CLSTN1: variants seen among roughly 807,000 people sequenced by gnomAD.
CLSTN1 encodes calsyntenin-1.
CLSTN1 carries 28 observed loss-of-function variants against 108.3 expected under a neutral mutation model. The observed-to-expected ratio is 0.26, with a 90% confidence interval of 0.19 to 0.35. The LOEUF is 0.35. CLSTN1 is among the 10% of genes least tolerant of loss of function. The pLI is 1.00. For synonymous variants in CLSTN1, 524 were observed against 534.9 expected, an observed-to-expected ratio of 0.98 and a Z score of 0.28; for missense variants, 1,157 against 1,302.6, an observed-to-expected ratio of 0.89 and a Z score of 1.72.
intron 1 of CLSTN1, among the ~76,000 whole-genome samples, chr1:9,818,003 CTTTT>C (rs35244076): frequency 9.0e-5 from 8 of 89,116 alleles, no homozygotes; most frequent in Admixed American, 1.1e-4. Flanking sequence ...GTTAGTTTGG[CTTTT>C]TTTTTTTTTT....
chr1:9,766,223 C>T (rs187680931), intron 2 of CLSTN1, among the ~76,000 whole-genome samples: 29 of 152,240 alleles, frequency 1.9e-4, no homozygotes, highest in Non-Finnish European at 4.1e-4. Context: ...ACCACCACCT[C>T]CTAGAAGGAG....
chr1:9,789,614 A>G (rs1305850763), intron 1 of CLSTN1, among the ~76,000 whole-genome samples: 1 of 151,518 alleles, frequency 6.6e-6, no homozygotes, highest in African/African-American at 2.4e-5. Flanking sequence ...TCAATACCGC[A>G]TCATACATCT....
intron 1 of CLSTN1, among the ~76,000 whole-genome samples, chr1:9,799,359 G>T (rs1654150767): frequency 6.6e-6 from 1 of 152,060 alleles, no homozygotes; most frequent in Non-Finnish European, 1.5e-5. Context: ...AAATTCCAGG[G>T]AGCCGGGCGC....
chr1:9,793,475 ACAAT>A (rs1192081206), intron 1 of CLSTN1, among the ~76,000 whole-genome samples: 3 of 151,516 alleles, frequency 2.0e-5, no homozygotes, highest in Non-Finnish European at 4.4e-5. Context: ...CGAATCTGAG[ACAAT>A]CAATCTGACC....
chr1:9,730,160 G>A lies in CLSTN1; in HGVS notation c.*348C>T, dbSNP rs112497092. On this transcript the variant is annotated 3_prime_UTR_variant, in exon 19 of 19. Coordinates refer to ENST00000377298, the MANE Select transcript of CLSTN1 (RefSeq NM_001009566.3). This position sits in a 1 kb window ranked among gnomAD's most constrained non-coding sequence, Gnocchi z 5.6. The stretch of plus-strand genomic sequence containing the variant: ...TGAGCATGTTTTACCCTTTGTCAAC[G>A]AGCCCAGCTGGCATGGCTTTTCTGG... 7 of 355,700 alleles carry A rather than the reference G, an allele frequency of 2.0e-5. No homozygotes were observed. The highest frequency in any genetic ancestry group is 1.2e-4 in the African/African-American group (6 of 49,812). The allele number at this position is 355,700 out of a possible 1,614,324, so 22.0% of individuals were successfully genotyped here.
chr1:9,773,889 T>C (rs1652808653), intron 1 of CLSTN1, among the ~76,000 whole-genome samples: 1 of 151,512 alleles, frequency 6.6e-6, no homozygotes, highest in Non-Finnish European at 1.5e-5. Flanking sequence ...TGCACCACCA[T>C]ACTTGACTTA....
In CLSTN1 at chr1:9,823,624, G is replaced by A. The variant is rs1390336048; in HGVS notation, c.91+19C>T. 2 of 1,178,686 alleles carry A rather than the reference G, an allele frequency of 1.7e-6. No homozygotes were observed. Among genetic ancestry groups the A allele is most frequent in the Admixed American group, 9.2e-5 (2 of 21,806 alleles). 73.0% of individuals were successfully genotyped at this position (1,178,686 alleles called of 1,614,324 possible). On this transcript the variant is annotated intron_variant, in intron 1 of 18. Transcript: ENST00000377298. This position sits in a 1 kb window ranked among gnomAD's most constrained non-coding sequence, Gnocchi z 6.3. ...AATCCCGCACCGACCCAGCGGCCCG[G>A]CCCAGCCCCGGGGCTTACCTCGCGC...
intron 2 of CLSTN1, among the ~76,000 whole-genome samples, chr1:9,766,319 C>G (rs763239435): frequency 2.6e-5 from 4 of 152,130 alleles, no homozygotes; most frequent in Non-Finnish European, 5.9e-5. Context: ...CCCTGTGGCC[C>G]ACACATGAGG....
chr1:9,821,028 T>G (rs1441356267), intron 1 of CLSTN1, among the ~76,000 whole-genome samples: 1 of 152,212 alleles, frequency 6.6e-6, no homozygotes, highest in African/African-American at 2.4e-5. Flanking sequence ...AGCTTTCTAT[T>G]TTCTCTGCTT....
At chr1:9,818,931 C>T (rs933048599) in intron 1 of CLSTN1, among the ~76,000 whole-genome samples, 3 of 149,316 alleles carry the variant, frequency 2.0e-5, no homozygotes, top group African/African-American at 4.9e-5. Flanking sequence ...GGACTACAGG[C>T]ACCTGCCACC....
intron 2 of CLSTN1, among the ~76,000 whole-genome samples, chr1:9,757,049 A>T (rs184896214): frequency 1.5e-4 from 23 of 151,814 alleles, no homozygotes; most frequent in Admixed American, 6.6e-4. Flanking sequence ...AAGTGCTGGG[A>T]TTACAGGAGT....
chr1:9,783,610 C>T (rs977140497), intron 1 of CLSTN1, among the ~76,000 whole-genome samples: 5 of 152,010 alleles, frequency 3.3e-5, no homozygotes, highest in Admixed American at 6.6e-5. Context: ...AATTCCAGCA[C>T]TTTGGGAGGC....
rs139059412 is a variant in CLSTN1 at position 9,799,820 on chromosome 1, A to C, written c.91+23823T>G. ...GCTGGGCGTGCTGGTGGGTGCCTGT[A>C]GTCCTAGCTGCTTGGGAGGCTGAGA... On this transcript the variant is annotated intron_variant, in intron 1 of 18. Coordinates refer to ENST00000377298, the MANE Select transcript of CLSTN1 (RefSeq NM_001009566.3). 7.5e-3 allele frequency among the ~76,000 whole-genome samples: 1,140 copies of C among 151,900 alleles called. 11 individuals carry two copies. The highest frequency in any genetic ancestry group is 0.026 in the African/African-American group (1,057 of 41,398).
At chr1:9,806,704 C>T (rs748705787) in intron 1 of CLSTN1, among the ~76,000 whole-genome samples, 130 of 152,074 alleles carry the variant, frequency 8.5e-4, no homozygotes, top group Admixed American at 2.9e-3. Flanking sequence ...ATGGTGAAAC[C>T]CTGTCTCTAC....
intron 1 of CLSTN1, among the ~76,000 whole-genome samples, chr1:9,775,420 T>G (rs1652887814): frequency 6.6e-6 from 1 of 152,028 alleles, no homozygotes; most frequent in African/African-American, 2.4e-5. Flanking sequence ...CTGCTACTTT[T>G]GCTTTTCTGG....
intron 1 of CLSTN1, among the ~76,000 whole-genome samples, chr1:9,798,133 A>AGAGGGGAAGAGGGGAAGAGGGAGGGG (rs1304044973): frequency 9.0e-6 from 1 of 110,880 alleles, no homozygotes; most frequent in East Asian, 3.1e-4. Flanking sequence ...AGAGAGGGGA[A>AGAGGGGAAGAGGGGAAGAGGGAGGGG]GAGGGGAAGA....
intron 1 of CLSTN1, among the ~76,000 whole-genome samples, chr1:9,800,045 A>G (rs1343298793): frequency 6.6e-6 from 1 of 152,220 alleles, no homozygotes; most frequent in African/African-American, 2.4e-5. Context: ...AAAAGAAAAT[A>G]TAATTTATCA....
Position 9,755,764 on chromosome 1 carries a change from T to C in CLSTN1, c.245-455A>G, listed in dbSNP as rs185642846. Among the ~76,000 whole-genome samples, 40 of 149,262 alleles carry C rather than the reference T, an allele frequency of 2.7e-4. 2 individuals are homozygous for C. The East Asian group carries it at 5.1e-3, about 19-fold the overall frequency. Reference sequence around the variant, plus strand: ...TGTTGAGAGAGGAGGAAGCGTGAGATATAGGATCAGCACCGTAATTACAGA... The same window carrying C: ...TGTTGAGAGAGGAGGAAGCGTGAGACATAGGATCAGCACCGTAATTACAGA... On this transcript the variant is annotated intron_variant, in intron 3 of 18. Transcript: ENST00000377298.
intron 2 of CLSTN1, among the ~76,000 whole-genome samples, chr1:9,763,729 T>C (rs899391089): frequency 2.0e-5 from 3 of 152,174 alleles, no homozygotes; most frequent in African/African-American, 7.2e-5. Flanking sequence ...ACTTCAATCC[T>C]GTGCTCCTCT....
Sources: allele counts gnomAD v4.1 joint callset (sites outside exome capture counted in the v4.1 genomes callset), GRCh38; gene constraint gnomAD v4.1.1; non-coding constraint Gnocchi (gnomAD v3.1); transcripts MANE v1.5; gene names NCBI Gene and HGNC (gene_info 2026-07-23, HGNC 2026-07-21).